Variants in ADGRA1 observed in about 807,000 individuals in gnomAD.
The protein encoded by ADGRA1 is adhesion G protein-coupled receptor A1, also known as G-protein coupled receptor 123.
A neutral mutation model predicts 21.3 loss-of-function variants in ADGRA1; 12 were observed. The ratio of observed to expected loss-of-function variants is 0.56; its 90% CI spans 0.36 to 0.91. ADGRA1 has a LOEUF of 0.91. Among genes scored for constraint, ADGRA1 ranks in the 40% least tolerant of loss-of-function variants. The probability of loss-of-function intolerance (pLI) is 0.01; values close to 1 mark genes in which losing one functional copy is unlikely to be tolerated. For missense variants in ADGRA1, 790 were observed against 805.6 expected (o/e 0.98, Z 0.23); for synonymous variants, 385 against 368.8 (o/e 1.04, Z -0.50).
At position 133,128,538 on chromosome 10, in the gene ADGRA1, C is replaced by T; in HGVS notation, c.710C>T (p.Ala237Val). 6.5e-7 allele frequency: 1 copy of T among 1,550,246 alleles called. No homozygotes were observed. Residue 237 changes from alanine (A) to valine (V), a missense_variant, in exon 7 of 7, where the codon GCA (alanine) becomes GTA (valine). This residue lies in a region of ADGRA1 where 382 missense variants were observed against 415.6 expected (regional missense o/e 0.92). Transcript: ENST00000392607. ...GRGIRPGTPP[A>V]HDAPGASVLQ... ...GGGATCCGGCCAGGCACCCCACCCG[C>T]ACACGATGCCCCCGGCGCCTCCGTG...
Position 133,088,116 on chromosome 10 carries a change from G to T in ADGRA1, c.-225G>T, listed in dbSNP as rs1366933355. 3 of 985,020 alleles carry T rather than the reference G, an allele frequency of 3.0e-6. No homozygotes were observed. Among genetic ancestry groups the T allele is most frequent in the East Asian group, 2.3e-4 (2 of 8,788 alleles). 61.0% of individuals were successfully genotyped at this position (985,020 alleles called of 1,614,324 possible). On this transcript the variant is annotated 5_prime_UTR_variant, in exon 1 of 7. Transcript: ENST00000392607. ...TCCGGGAGCGCGGCCCGGCCGCCCC[G>T]GCAGCCGCTTCGGCCACAGCAGGTG...
At chr10:133,121,616 CTG>C (rs986081116) in intron 5 of ADGRA1, among the ~76,000 whole-genome samples, 36 of 86,456 alleles carry the variant, frequency 4.2e-4, no homozygotes, top group African/African-American at 6.7e-4. Context: ...ATGTGAGTGC[CTG>C]TGTGTGTGAT....
intron 2 of ADGRA1, among the ~76,000 whole-genome samples, chr10:133,096,286 GA>G: frequency 6.6e-6 from 1 of 152,306 alleles, no homozygotes; most frequent in East Asian, 1.9e-4. Flanking sequence ...ACCTGATGAA[GA>G]AAAGATGAAG....
intron 3 of ADGRA1, 139 bp from the exon 4 acceptor site, chr10:133,098,501 G>A (rs1004150686): frequency 2.0e-5 from 20 of 995,338 alleles, no homozygotes; most frequent in South Asian, 1.5e-4. Context: ...TCCCCTGACC[G>A]GGTCCTCGGA....
At position 133,102,788 on chromosome 10, in the gene ADGRA1, C is replaced by T. The variant is rs1281992313; in HGVS notation, c.347C>T (p.Ala116Val). Reference sequence around the variant, plus strand: ...ATCTACAAGCAGGTGACCAAGAAGGCCCCTCTGTGCCTGGACACAGACCAG... The same window carrying T: ...ATCTACAAGCAGGTGACCAAGAAGGTCCCTCTGTGCCTGGACACAGACCAG... ...RNIYKQVTKK[A>V]PLCLDTDQPP... The change falls in exon 5 of 7, where the codon GCC becomes GTC. Residue 116 changes from alanine (A) to valine (V), a missense_variant. By Grantham distance (64) the Ala-to-Val change is moderately conservative. Transcript: ENST00000392607. The T allele has an allele frequency of 4.3e-6, 7 of 1,612,810 alleles. No individual in the cohort carries two copies. The highest frequency in any genetic ancestry group is 4.2e-6 in the Non-Finnish European group (5 of 1,179,844).
At chr10:133,093,384 T>G in intron 2 of ADGRA1, 1 of 1,191,172 alleles carries the variant, frequency 8.4e-7, no homozygotes, top group Admixed American at 2.6e-5. Flanking sequence ...AGAGGAGACC[T>G]CCAATTAAAA....
chr10:133,128,208 A>T, intron 6 of ADGRA1, 121 bp from the exon 7 acceptor site: 1 of 684,584 alleles, frequency 1.5e-6, no homozygotes, highest in East Asian at 3.1e-5. Context: ...AAGGCCCCCA[A>T]GCCGCAGCTG....
intron 5 of ADGRA1, among the ~76,000 whole-genome samples, chr10:133,126,611 A>G (rs952962406): frequency 1.8e-4 from 27 of 152,224 alleles, no homozygotes; most frequent in African/African-American, 6.5e-4. Flanking sequence ...TCCCGCTTGG[A>G]TCCCTGGGCG....
In ADGRA1 at chr10:133,128,333, T is replaced by C; in HGVS notation, c.505T>C (p.Trp169Arg). 6.5e-7 allele frequency: 1 copy of C among 1,543,594 alleles called. No homozygotes were observed. Residue 169 changes from tryptophan (W) to arginine (R), a missense_variant, in exon 7 of 7, where the codon TGG (tryptophan) becomes CGG (arginine). Transcript: ENST00000392607. ...GTEDEDTAYC[W>R]MAWEPSLGAF... ...CTGACGTGCGTCTCCCCACAGCTGC[T>C]GGATGGCCTGGGAGCCCAGCCTGGG...
chr10:133,121,526 C>G (rs1852257261), intron 5 of ADGRA1, among the ~76,000 whole-genome samples: 1 of 137,308 alleles, frequency 7.3e-6, no homozygotes, highest in East Asian at 2.2e-4. Flanking sequence ...AGTGCCTGTG[C>G]ATGTCCAGTG....
intron 3 of ADGRA1, among the ~76,000 whole-genome samples, chr10:133,098,138 C>T (rs538984408): frequency 9.1e-4 from 139 of 152,306 alleles, no homozygotes; most frequent in African/African-American, 2.5e-3. Flanking sequence ...GGGTCGGGCC[C>T]CAGACATGGT....
intron 2 of ADGRA1, chr10:133,093,190 T>G: frequency 6.3e-7 from 1 of 1,594,690 alleles, no homozygotes; most frequent in Non-Finnish European, 8.5e-7. Flanking sequence ...GGGAGGAAGA[T>G]TCCTTCAGGC....
chr10:133,095,704 C>T (rs780457118), intron 2 of ADGRA1: 29 of 1,597,794 alleles, frequency 1.8e-5, no homozygotes, highest in Non-Finnish European at 2.2e-5. Flanking sequence ...CTCGTCTTGG[C>T]TGGACGGACA....
chr10:133,119,601 G>A (rs1852220184), intron 5 of ADGRA1, among the ~76,000 whole-genome samples: 1 of 152,152 alleles, frequency 6.6e-6, no homozygotes, highest in South Asian at 2.1e-4. Context: ...TTTCAGTAAT[G>A]TCCACGGCAT....
intron 5 of ADGRA1, among the ~76,000 whole-genome samples, chr10:133,103,622 C>A (rs1461870527): frequency 6.6e-6 from 1 of 152,224 alleles, no homozygotes; most frequent in African/African-American, 2.4e-5. Context: ...CTCCCTCTCT[C>A]CCTCAGTCCA....
chr10:133,129,659 GCC>G lies in ADGRA1; in HGVS notation c.*151_*152del, dbSNP rs1411422551. ...GCCCCTTCCTTGTGATCACACCCCT[GCC>G]CCTTCCTTGTGATCACACCCCTGCC... On this transcript the variant is annotated 3_prime_UTR_variant, in exon 7 of 7. Transcript: ENST00000392607. 2.6e-6 allele frequency: 1 copy of G among 381,286 alleles called. No individual in the cohort carries two copies. Among genetic ancestry groups the G allele is most frequent in the Non-Finnish European group, 4.8e-6 (1 of 207,548 alleles). The allele number at this position is 381,286 out of a possible 1,614,324, so 23.6% of individuals were successfully genotyped here.
At chr10:133,100,505 G>A (rs1283436012) in intron 4 of ADGRA1, among the ~76,000 whole-genome samples, 1 of 152,228 alleles carries the variant, frequency 6.6e-6, no homozygotes, top group Non-Finnish European at 1.5e-5. Context: ...GGAGCTCCTG[G>A]GGCCCAGGCC....
intron 5 of ADGRA1, among the ~76,000 whole-genome samples, chr10:133,115,501 C>T (rs773142557): frequency 2.4e-4 from 37 of 152,300 alleles, no homozygotes; most frequent in Non-Finnish European, 4.0e-4. Flanking sequence ...CATGGTAGAT[C>T]GGGGGTACCC....
intron 5 of ADGRA1, among the ~76,000 whole-genome samples, chr10:133,104,792 A>G (rs1240166132): frequency 6.6e-6 from 1 of 151,830 alleles, no homozygotes; most frequent in Non-Finnish European, 1.5e-5. Context: ...GCAGGTGCAG[A>G]CTCAGGAGTG....
Sources: allele counts gnomAD v4.1 joint callset (sites outside exome capture counted in the v4.1 genomes callset), GRCh38; gene constraint gnomAD v4.1.1; regional missense constraint gnomAD v4.1.1; transcripts MANE v1.5; gene names NCBI Gene and HGNC (gene_info 2026-07-23, HGNC 2026-07-21).